The following HDAC11 variants were observed in gnomAD, a reference collection of about 807,000 sequenced individuals.
HDAC11 encodes the protein histone deacetylase 11.
HDAC11 carries 23 observed loss-of-function variants against 41.1 expected under a neutral mutation model. That is an observed-to-expected ratio of 0.56 (90% confidence interval 0.40 to 0.79). The LOEUF is 0.79. Ranked by LOEUF, HDAC11 falls within the 30% of genes least tolerant of loss-of-function variation. The pLI, the probability that HDAC11 is intolerant of heterozygous loss-of-function variation, is 0.00. For synonymous variants in HDAC11, 187 were observed against 186.6 expected, an observed-to-expected ratio of 1.00 and a Z score of -0.02; for missense variants, 402 against 477.3, an observed-to-expected ratio of 0.84 and a Z score of 1.47.
At chr3:13,491,033 G>C (rs1348869406) in intron 3 of HDAC11, among the ~76,000 whole-genome samples, 3 of 151,696 alleles carry the variant, frequency 2.0e-5, no homozygotes, top group African/African-American at 4.8e-5. Context: ...ACAGGCATGA[G>C]CCACTGCGCC....
chr3:13,490,744 CTTTTTTTTTTTTTTT>C (rs59531656), intron 3 of HDAC11, among the ~76,000 whole-genome samples: 1 of 41,404 alleles, frequency 2.4e-5, no homozygotes, highest in Non-Finnish European at 4.1e-5. Flanking sequence ...GCATTTTTTT[CTTTTTTTTTTTTTTT>C]TTTTTTTTTT....
chr3:13,504,011 A>T (rs1702491004), intron 8 of HDAC11, 83 bp from the exon 9 acceptor site: 2 of 1,305,894 alleles, frequency 1.5e-6, no homozygotes, highest in Non-Finnish European at 2.1e-6. Flanking sequence ...ACCAGTTTCC[A>T]GTCTTGCCTG....
chr3:13,485,312 G>A (rs183589397), intron 3 of HDAC11, among the ~76,000 whole-genome samples: 14 of 152,356 alleles, frequency 9.2e-5, no homozygotes, highest in Admixed American at 2.0e-4. Context: ...TGAGGCCTTG[G>A]CAGGAAGCCC....
intron 5 of HDAC11, among the ~76,000 whole-genome samples, chr3:13,499,380 G>T (rs1702250118): frequency 6.6e-6 from 1 of 152,058 alleles, no homozygotes; most frequent in Non-Finnish European, 1.5e-5. Context: ...TGTTGGTCAG[G>T]CTGGGTCTTG....
At position 13,500,715 on chromosome 3, in the gene HDAC11, G is replaced by A; in HGVS notation, c.415G>A (p.Gly139Ser). ...CACCGCTCTCTGCCCTTCCGCAGGG[G>A]GTGGCTTCCACCACTGCTCCAGCGA... Reference protein sequence around the residue: ...VERGWAINVGGGFHHCSSDRG... With the variant: ...VERGWAINVGSGFHHCSSDRG... The change falls in exon 6 of 10, where the codon GGT becomes AGT. Residue 139 changes from glycine (G) to serine (S), a missense_variant and splice_region_variant. By Grantham distance (56) the Gly-to-Ser change is moderately conservative (BLOSUM62 0). Coordinates refer to ENST00000295757, the MANE Select transcript of HDAC11 (RefSeq NM_024827.4). The A allele has an allele frequency of 6.3e-7, 1 of 1,591,896 alleles. No homozygotes were observed. The highest frequency in any genetic ancestry group is 1.1e-5 in the South Asian group (1 of 87,776).
At chr3:13,503,844 G>T (rs1166768505) in intron 8 of HDAC11, among the ~76,000 whole-genome samples, 1 of 151,928 alleles carries the variant, frequency 6.6e-6, no homozygotes, top group African/African-American at 2.4e-5. Flanking sequence ...AGGAGGCAGT[G>T]AAATCTGACA....
At chr3:13,485,647 G>C (rs1197106373) in intron 3 of HDAC11, among the ~76,000 whole-genome samples, 1 of 152,174 alleles carries the variant, frequency 6.6e-6, no homozygotes, top group Non-Finnish European at 1.5e-5. Flanking sequence ...AAATAGCTGG[G>C]TGTAGTGGCA....
intron 8 of HDAC11, among the ~76,000 whole-genome samples, chr3:13,503,536 C>T (rs551418983): frequency 1.3e-5 from 2 of 152,384 alleles, no homozygotes; most frequent in South Asian, 4.1e-4. Context: ...TGCACTCCAG[C>T]TTGGGCAACA....
chr3:13,484,920 G>C (rs1701489064), intron 3 of HDAC11, among the ~76,000 whole-genome samples: 1 of 152,184 alleles, frequency 6.6e-6, no homozygotes, highest in Admixed American at 6.5e-5. Context: ...CTGCCTTGGT[G>C]GGGGTGGGGT....
intron 5 of HDAC11, among the ~76,000 whole-genome samples, chr3:13,500,437 G>A (rs1161028780): frequency 6.6e-6 from 1 of 152,202 alleles, no homozygotes; most frequent in Non-Finnish European, 1.5e-5. Context: ...GGGACAAGGA[G>A]CAGCTTTCTG....
At position 13,502,126 on chromosome 3, in the gene HDAC11, G is replaced by A. The variant is rs549304210; in HGVS notation, c.552+193G>A. 51 of 578,690 alleles carry A rather than the reference G, an allele frequency of 8.8e-5. No individual in the cohort carries two copies. In the East Asian group the frequency reaches 1.3e-3, roughly 15 times the overall value. The allele number at this position is 578,690 out of a possible 1,614,324, so 35.8% of individuals were successfully genotyped here. ...ACAGCGGGTCCTCCTCATTGCTCCCGAGGGTCCTCCCTCCCTCCTCCTGAC... is the reference window on the plus strand; with the variant it reads ...ACAGCGGGTCCTCCTCATTGCTCCCAAGGGTCCTCCCTCCCTCCTCCTGAC... On this transcript the variant is annotated intron_variant, in intron 7 of 9. Coordinates refer to ENST00000295757, the MANE Select transcript of HDAC11 (RefSeq NM_024827.4). The surrounding 1 kb of genome is among the most constrained non-coding windows in gnomAD (Gnocchi z 4.1).
At chr3:13,496,529 T>A (rs1574906129) in intron 3 of HDAC11, 1 of 495,024 alleles carries the variant, frequency 2.0e-6, no homozygotes, top group East Asian at 3.7e-5. Context: ...TTGTGTAAAC[T>A]GCTCTTTACT....
chr3:13,486,287 AAAG>A lies in HDAC11; in HGVS notation c.252+2726_252+2728del, dbSNP rs1245720862. 7.4e-4 allele frequency among the ~76,000 whole-genome samples: 111 copies of A among 149,998 alleles called. 5 individuals carry two copies. Among genetic ancestry groups the A allele is most frequent in the South Asian group, 1.7e-3 (8 of 4,644 alleles). On this transcript the variant is annotated intron_variant, in intron 3 of 9. Coordinates refer to ENST00000295757, the MANE Select transcript of HDAC11 (RefSeq NM_024827.4). The stretch of plus-strand genomic sequence containing the variant: ...CATCTCAAAAAAAAAAAAAAAAAAA[AAAG>A]AAAAAGATGAAGAAGTAGTCAGTCA...
rs562281725 is a variant in HDAC11 at position 13,483,501 on chromosome 3, G to T, written c.189G>T (p.Ala63=). 1 of 1,614,082 alleles carries T rather than the reference G, an allele frequency of 6.2e-7. No individual in the cohort carries two copies. Among genetic ancestry groups the T allele is most frequent in the South Asian group, 1.1e-5 (1 of 91,080 alleles). ...TGTCTGACAGCATGCTGGTGGAGGC[G>T]CGGGAGGCCTCGGAGGAGGACCTGC... ...KLLSDSMLVE[A]REASEEDLLV... The change falls in exon 3 of 10, where the codon GCG becomes GCT. Residue 63 remains alanine, a synonymous_variant. Transcript: ENST00000295757.
chr3:13,493,738 C>T (rs753066581), intron 3 of HDAC11, among the ~76,000 whole-genome samples: 31 of 152,222 alleles, frequency 2.0e-4, no homozygotes, highest in Non-Finnish European at 4.0e-4. Context: ...GGGCTCGTCT[C>T]GCCAACGTTG....
chr3:13,486,824 C>G (rs913508017), intron 3 of HDAC11, among the ~76,000 whole-genome samples: 3 of 152,130 alleles, frequency 2.0e-5, no homozygotes, highest in African/African-American at 7.2e-5. Context: ...AGCAATCCAT[C>G]TGCCTCGGCC....
chr3:13,484,508 C>G (rs1175069360), intron 3 of HDAC11, among the ~76,000 whole-genome samples: 8 of 151,946 alleles, frequency 5.3e-5, no homozygotes, highest in Non-Finnish European at 2.9e-5. Flanking sequence ...AGCCAGGAAT[C>G]CAGATTATTA....
intron 3 of HDAC11, among the ~76,000 whole-genome samples, chr3:13,487,361 C>T (rs901911210): frequency 1.3e-5 from 2 of 152,220 alleles, no homozygotes; most frequent in Non-Finnish European, 2.9e-5. Flanking sequence ...CATCCACCGT[C>T]TCCCCTGCCT....
chr3:13,501,518 G>A (rs1702364491), intron 6 of HDAC11: 3 of 456,618 alleles, frequency 6.6e-6, no homozygotes, highest in Non-Finnish European at 1.3e-5. Flanking sequence ...GTTGGGGACT[G>A]AAGTCCCAGG....
Sources: allele counts gnomAD v4.1 joint callset (sites outside exome capture counted in the v4.1 genomes callset), GRCh38; gene constraint gnomAD v4.1.1; non-coding constraint Gnocchi (gnomAD v3.1); transcripts MANE v1.5; gene names NCBI Gene and HGNC (gene_info 2026-07-23, HGNC 2026-07-21).